TCF7L2: variants seen among roughly 807,000 people sequenced by gnomAD.
TCF7L2 encodes the protein transcription factor 7 like 2.
TCF7L2 carries 23 observed loss-of-function variants against 77.9 expected under a neutral mutation model. The ratio of observed to expected loss-of-function variants is 0.30; its 90% confidence interval spans 0.21 to 0.42. TCF7L2 has a LOEUF of 0.42. Among genes scored for constraint, TCF7L2 ranks in the 10% least tolerant of loss-of-function variants. TCF7L2 has a pLI of 1.00. For synonymous variants in TCF7L2, 413 were observed against 340.2 expected (o/e 1.21, Z -2.36); for missense variants, 654 against 793.1 (o/e 0.82, Z 2.11).
At chr10:113,060,787 G>T (rs2056307437) in intron 5 of TCF7L2, among the ~76,000 whole-genome samples, 1 of 152,010 alleles carries the variant, frequency 6.6e-6, no homozygotes, top group Non-Finnish European at 1.5e-5. Flanking sequence ...TTGGAAAGAG[G>T]CGCTGTGTCC....
chr10:113,123,072 G>T (rs1467631636), intron 5 of TCF7L2, among the ~76,000 whole-genome samples: 1 of 152,174 alleles, frequency 6.6e-6, no homozygotes, highest in East Asian at 1.9e-4. Context: ...GATCAAAGGC[G>T]CTTGCTTTAT....
intron 8 of TCF7L2, among the ~76,000 whole-genome samples, chr10:113,148,006 G>A (rs2069863622): frequency 6.6e-6 from 1 of 152,144 alleles, no homozygotes; most frequent in African/African-American, 2.4e-5. Flanking sequence ...TTGTGATAAT[G>A]GGGCGACAGA....
chr10:113,161,358 T>C, intron 13 of TCF7L2: 1 of 586,106 alleles, frequency 1.7e-6, no homozygotes, highest in South Asian at 2.0e-5. Flanking sequence ...TATATGTGTG[T>C]ATATATGTAG....
At chr10:113,074,115 A>C (rs746469829) in intron 5 of TCF7L2, among the ~76,000 whole-genome samples, 5 of 152,132 alleles carry the variant, frequency 3.3e-5, no homozygotes, top group Non-Finnish European at 5.9e-5. Context: ...CAGGGTGTTG[A>C]AGCTGGCACC....
intron 3 of TCF7L2, among the ~76,000 whole-genome samples, chr10:112,960,855 T>C (rs1361401019): frequency 1.3e-5 from 2 of 151,352 alleles, no homozygotes; most frequent in East Asian, 3.9e-4. Flanking sequence ...GCTGGGCTAA[T>C]TTTATTTTTG....
intron 3 of TCF7L2, among the ~76,000 whole-genome samples, chr10:112,961,312 G>A (rs2035155259): frequency 7.0e-6 from 1 of 143,290 alleles, no homozygotes; most frequent in African/African-American, 2.7e-5. Flanking sequence ...GTGAGCCATC[G>A]TGCCCGGCCA....
intron 4 of TCF7L2, among the ~76,000 whole-genome samples, chr10:112,977,024 A>G (rs1347567347): frequency 6.6e-6 from 1 of 151,448 alleles, no homozygotes; most frequent in African/African-American, 2.4e-5. Flanking sequence ...TCAGATCATA[A>G]TATTTTCATA....
Position 113,085,469 on chromosome 10 carries a change from T to G in TCF7L2, c.552+45343T>G, listed in dbSNP as rs149057760. Among the ~76,000 whole-genome samples, 23 of 152,290 alleles carry G rather than the reference T, an allele frequency of 1.5e-4. No individual in the cohort carries two copies. The South Asian group carries it at 4.1e-3, about 27-fold the overall frequency. On this transcript the variant is annotated intron_variant, in intron 5 of 13. Transcript: ENST00000627217. ...GCTTTTTACCTCTTTCTATACTTGT[T>G]CATTTTTAAATGTTTCCTGGCAGAG... is the stretch of plus-strand genomic sequence containing the variant.
At chr10:113,029,754 C>T (rs1248749417) in intron 4 of TCF7L2, among the ~76,000 whole-genome samples, 1 of 152,040 alleles carries the variant, frequency 6.6e-6, no homozygotes, top group African/African-American at 2.4e-5. Flanking sequence ...CACACAAACT[C>T]CTGACCTCAG....
chr10:113,099,973 A>G (rs2061452435), intron 5 of TCF7L2, among the ~76,000 whole-genome samples: 1 of 152,312 alleles, frequency 6.6e-6, no homozygotes, highest in South Asian at 2.1e-4. Flanking sequence ...CCTCCACGCA[A>G]GTACCCCAGC....
At chr10:113,017,156 T>C (rs1192586059) in intron 4 of TCF7L2, among the ~76,000 whole-genome samples, 2 of 152,226 alleles carry the variant, frequency 1.3e-5, no homozygotes, top group Non-Finnish European at 2.9e-5. Context: ...GATAGAGATC[T>C]ACTGTCCAGA....
At chr10:113,036,230 G>A (rs1428186052) in intron 4 of TCF7L2, among the ~76,000 whole-genome samples, 3 of 151,896 alleles carry the variant, frequency 2.0e-5, no homozygotes, top group Non-Finnish European at 2.9e-5. Flanking sequence ...GCAGCTGTAA[G>A]GGGGCAGGTT....
chr10:112,981,282 C>T (rs1166310415), intron 4 of TCF7L2, among the ~76,000 whole-genome samples: 1 of 149,912 alleles, frequency 6.7e-6, no homozygotes, highest in Non-Finnish European at 1.5e-5. Context: ...TGTGATGGGC[C>T]CCTTTCCTTG....
intron 5 of TCF7L2, among the ~76,000 whole-genome samples, chr10:113,096,631 G>A (rs913838124): frequency 1.3e-5 from 2 of 151,978 alleles, no homozygotes; most frequent in African/African-American, 4.8e-5. Context: ...TGCTTTTCCT[G>A]GTCAATGTCT....
At chr10:113,097,563 G>C (rs1166453649) in intron 5 of TCF7L2, among the ~76,000 whole-genome samples, 2 of 134,242 alleles carry the variant, frequency 1.5e-5, no homozygotes, top group Admixed American at 9.1e-5. Flanking sequence ...CGAGGCAGAA[G>C]AATCACCTGA....
At chr10:112,980,464 G>A (rs1437624738) in intron 4 of TCF7L2, among the ~76,000 whole-genome samples, 1 of 152,132 alleles carries the variant, frequency 6.6e-6, no homozygotes, top group Non-Finnish European at 1.5e-5. Flanking sequence ...ATAAGGGCTT[G>A]ATTGATTTAT....
intron 4 of TCF7L2, among the ~76,000 whole-genome samples, chr10:113,035,830 T>C (rs897051639): frequency 6.6e-6 from 1 of 152,206 alleles, no homozygotes; most frequent in African/African-American, 2.4e-5. Context: ...ATACAAGACA[T>C]ATACTGACTG....
chr10:113,018,427 AG>A (rs1168560764), intron 4 of TCF7L2, among the ~76,000 whole-genome samples: 1 of 139,852 alleles, frequency 7.2e-6, no homozygotes, highest in Non-Finnish European at 1.5e-5. Flanking sequence ...TGGTCCTTGC[AG>A]GCTTTCTCCT....
intron 3 of TCF7L2, among the ~76,000 whole-genome samples, chr10:112,961,495 T>C (rs1172085175): frequency 5.3e-5 from 8 of 152,332 alleles, no homozygotes; most frequent in Middle Eastern, 3.4e-3. Flanking sequence ...TGGGTGTTTG[T>C]ATTTTTTATC....
Sources: allele counts gnomAD v4.1 joint callset (sites outside exome capture counted in the v4.1 genomes callset), GRCh38; gene constraint gnomAD v4.1.1; transcripts MANE v1.5; gene names NCBI Gene and HGNC (gene_info 2026-07-23, HGNC 2026-07-21).